PRKN: variants seen among roughly 807,000 people sequenced by gnomAD.
PRKN encodes the protein parkin RBR E3 ubiquitin protein ligase, also known as E3 ubiquitin-protein ligase parkin.
Under a neutral mutation model 59.5 loss-of-function variants are expected in PRKN, and 56 were observed. The ratio of observed to expected loss-of-function variants is 0.94; its 90% CI spans 0.76 to 1.18. The LOEUF (loss-of-function observed/expected upper bound fraction) is 1.18. Ranked by LOEUF, PRKN falls within the 50% of genes most tolerant of loss-of-function variation. PRKN has a pLI of 0.00. For missense variants in PRKN, 657 were observed against 596.4 expected (o/e 1.10, Z -1.06); for synonymous variants, 250 against 222.1 (o/e 1.13, Z -1.12).
At chr6:162,602,545 G>T (rs1228465952) in intron 1 of PRKN, among the ~76,000 whole-genome samples, 1 of 152,178 alleles carries the variant, frequency 6.6e-6, no homozygotes, top group East Asian at 1.9e-4. Flanking sequence ...CATTCTCACT[G>T]CAGTGGGGAC....
At chr6:162,303,391 C>CTGTGCATCTCTGT (rs780595649) in intron 2 of PRKN, among the ~76,000 whole-genome samples, 49 of 152,196 alleles carry the variant, frequency 3.2e-4, no homozygotes, top group Non-Finnish European at 6.0e-4. Flanking sequence ...CAGTGCTCCA[C>CTGTGCATCTCTGT]TGTGCATCTC....
intron 7 of PRKN, among the ~76,000 whole-genome samples, chr6:161,753,197 T>C (rs1386762238): frequency 1.3e-5 from 2 of 152,234 alleles, no homozygotes; most frequent in African/African-American, 4.8e-5. Flanking sequence ...GTAATGCTGA[T>C]GAAGAGTTGC....
intron 1 of PRKN, among the ~76,000 whole-genome samples, chr6:162,525,987 G>C (rs4605858): frequency 0.3 from 45,927 of 151,808 alleles, 7,297 homozygotes; most frequent in East Asian, 0.5. Context: ...TCAGACTACA[G>C]GTGCAAAACC....
rs10707457 is a variant in PRKN, at chr6:162,516,763, G to GA, written c.8-73291dup. On this transcript the variant is annotated intron_variant, in intron 1 of 11. Coordinates refer to ENST00000366898, the MANE Select transcript of PRKN (RefSeq NM_004562.3). The stretch of plus-strand genomic sequence containing the variant: ...GGGCAACAGAGCGAGACTCTACCAT[G>GA]AAAAAAAAAAAAAAGAAAGAAAAGA... 1.2e-4 allele frequency among the ~76,000 whole-genome samples: 17 copies of GA among 136,906 alleles called. No homozygotes were observed. In the East Asian group the frequency reaches 2.8e-3, roughly 23 times the overall value. The allele number at this position is 136,906 out of a possible 152,430, so 89.8% of individuals were successfully genotyped here. A position where few individuals can be genotyped will look rare whatever the true frequency, so the allele number is the denominator to read the frequency against.
At chr6:162,272,349 T>A (rs1780432358) in intron 2 of PRKN, among the ~76,000 whole-genome samples, 1 of 152,196 alleles carries the variant, frequency 6.6e-6, no homozygotes. Context: ...ATGCCTCAAG[T>A]ATCACTTCTT....
intron 1 of PRKN, among the ~76,000 whole-genome samples, chr6:162,718,527 C>A (rs377662420): frequency 4.6e-5 from 7 of 151,984 alleles, no homozygotes; most frequent in African/African-American, 1.7e-4. Flanking sequence ...CTGACTAACA[C>A]GGTGATACCC....
chr6:161,886,015 A>G (rs1795135475), intron 6 of PRKN, among the ~76,000 whole-genome samples: 1 of 152,338 alleles, frequency 6.6e-6, no homozygotes, highest in South Asian at 2.1e-4. Context: ...TAGGTTTAAC[A>G]AATGAATCTT....
At chr6:161,731,347 A>G (rs1787703743) in intron 7 of PRKN, among the ~76,000 whole-genome samples, 2 of 152,214 alleles carry the variant, frequency 1.3e-5, no homozygotes, top group African/African-American at 4.8e-5. Flanking sequence ...CTCATGGTTG[A>G]TATCTTTCCT....
At chr6:161,869,504 T>C (rs1035261645) in intron 6 of PRKN, among the ~76,000 whole-genome samples, 5 of 152,148 alleles carry the variant, frequency 3.3e-5, no homozygotes, top group African/African-American at 1.2e-4. Flanking sequence ...GAAATTAACC[T>C]CACAATGATT....
intron 3 of PRKN, among the ~76,000 whole-genome samples, chr6:162,221,211 T>C (rs1465349718): frequency 6.6e-6 from 1 of 152,216 alleles, no homozygotes; most frequent in Non-Finnish European, 1.5e-5. Context: ...AATTATTTCT[T>C]TTCTTCCTTG....
intron 4 of PRKN, among the ~76,000 whole-genome samples, chr6:162,197,319 T>A (rs1305068812): frequency 6.6e-6 from 1 of 152,214 alleles, no homozygotes; most frequent in Admixed American, 6.5e-5. Context: ...TAGGTGTTAC[T>A]GAATGTGTAT....
intron 5 of PRKN, among the ~76,000 whole-genome samples, chr6:162,024,884 T>C (rs1328288379): frequency 6.6e-6 from 1 of 152,228 alleles, no homozygotes; most frequent in African/African-American, 2.4e-5. Context: ...CAGTGTTTCA[T>C]TCCTTTGTTG....
chr6:162,058,776 A>G (rs1777970404), intron 4 of PRKN, among the ~76,000 whole-genome samples: 1 of 151,760 alleles, frequency 6.6e-6, no homozygotes, highest in Non-Finnish European at 1.5e-5. Flanking sequence ...AACATGGTGA[A>G]ACCTTGTCTT....
intron 1 of PRKN, among the ~76,000 whole-genome samples, chr6:162,509,078 T>C (rs761641547): frequency 1.3e-5 from 2 of 152,196 alleles, no homozygotes; most frequent in African/African-American, 2.4e-5. Context: ...TAAATACTCA[T>C]GATGCTTTGC....
chr6:161,621,650 C>T (rs1437578455), intron 7 of PRKN, among the ~76,000 whole-genome samples: 2 of 152,154 alleles, frequency 1.3e-5, no homozygotes. Flanking sequence ...ACAAACACAC[C>T]CCAAAATAAC....
chr6:161,404,408 T>C (rs1354985335), intron 9 of PRKN, among the ~76,000 whole-genome samples: 1 of 152,200 alleles, frequency 6.6e-6, no homozygotes, highest in Non-Finnish European at 1.5e-5. Context: ...CTGGACAGTC[T>C]GTCCAAATTC....
chr6:161,935,569 AAAG>A lies in PRKN; in HGVS notation c.734+37730_734+37732del, dbSNP rs1156472729. ...ACCTTGTTTCCAAAAAAAAAAAAAA[AAAG>A]AAGAAGAAGAAGAAGGATAAGACGT... On this transcript the variant is annotated intron_variant, in intron 6 of 11. Coordinates refer to ENST00000366898, the MANE Select transcript of PRKN (RefSeq NM_004562.3). 5.5e-3 allele frequency among the ~76,000 whole-genome samples: 838 copies of A among 151,306 alleles called. 2 individuals carry two copies. The highest frequency in any genetic ancestry group is 0.017 in the Middle Eastern group (5 of 294).
chr6:161,986,541 T>C lies in PRKN; in HGVS notation c.619-13124A>G, dbSNP rs544718857. Among the ~76,000 whole-genome samples, 37 of 151,862 alleles carry C rather than the reference T, an allele frequency of 2.4e-4. No individual in the cohort carries two copies. The South Asian group carries it at 6.5e-3, about 27-fold the overall frequency. On this transcript the variant is annotated intron_variant, in intron 5 of 11. Coordinates refer to ENST00000366898, the MANE Select transcript of PRKN (RefSeq NM_004562.3). ...TGATATTCCATCTTTTGAGTTACAA[T>C]TGGGACAACTGAGAGAGGGGAAGAG...
chr6:162,633,642 T>C (rs1777601162), intron 1 of PRKN, among the ~76,000 whole-genome samples: 2 of 152,152 alleles, frequency 1.3e-5, no homozygotes, highest in South Asian at 4.1e-4. Flanking sequence ...TTGTCCCACT[T>C]GCTGAATGCA....
Sources: allele counts gnomAD v4.1 joint callset (sites outside exome capture counted in the v4.1 genomes callset), GRCh38; gene constraint gnomAD v4.1.1; transcripts MANE v1.5; gene names NCBI Gene and HGNC (gene_info 2026-07-23, HGNC 2026-07-21).